Variants in CDH4 observed in about 807,000 individuals in gnomAD.
CDH4 encodes the protein cadherin 4, also known as cadherin-4.
A neutral mutation model predicts 86.0 loss-of-function variants in CDH4; 33 were observed. The observed-to-expected ratio is 0.38, with a 90% CI of 0.29 to 0.51. CDH4 has a LOEUF of 0.51. Among genes scored for constraint, CDH4 ranks in the 20% least tolerant of loss-of-function variants. The probability of loss-of-function intolerance (pLI) is 0.86; values close to 1 mark genes in which losing one functional copy is unlikely to be tolerated. For synonymous variants in CDH4, 555 were observed against 549.4 expected (o/e 1.01, Z -0.14); for missense variants, 1,114 against 1,307.4 (o/e 0.85, Z 2.28).
chr20:61,840,739 C>T lies in CDH4; in HGVS notation c.577-3929C>T, dbSNP rs187656848. Among the ~76,000 whole-genome samples, 15 of 152,336 alleles carry T rather than the reference C, an allele frequency of 9.8e-5. No homozygotes were observed. In the East Asian group the frequency reaches 2.5e-3, roughly 26 times the overall value. On this transcript the variant is annotated intron_variant, in intron 4 of 15. Transcript: ENST00000614565. ...CACAAATCAAGTGGAAAACTGTTCT[C>T]CCCTGATCTGGTGGATTCACTCGCA...
In CDH4 at chr20:61,518,508, ATCCG is replaced by A. The variant is rs1286736907; in HGVS notation, c.170-225051_170-225048del. On this transcript the variant is annotated intron_variant, in intron 2 of 15. Coordinates refer to ENST00000614565, the MANE Select transcript of CDH4 (RefSeq NM_001794.5). The surrounding 1 kb of genome is among the most constrained non-coding windows in gnomAD (Gnocchi z 6.3). ...TCCATCATTGATTCATCATCCATCC[ATCCG>A]TCCATCTATCATCCATCCATCTATC... 2.0e-5 allele frequency among the ~76,000 whole-genome samples: 3 copies of A among 151,184 alleles called. No individual in the cohort carries two copies. Among genetic ancestry groups the A allele is most frequent in the African/African-American group, 7.3e-5 (3 of 41,078 alleles).
intron 4 of CDH4, among the ~76,000 whole-genome samples, chr20:61,838,700 C>G (rs1981988296): frequency 6.6e-6 from 1 of 151,644 alleles, no homozygotes; most frequent in Non-Finnish European, 1.5e-5. Flanking sequence ...TCCCAACTAT[C>G]CTAGTCCCAA....
intron 2 of CDH4, among the ~76,000 whole-genome samples, chr20:61,333,842 G>A (rs144444278): frequency 1.2e-3 from 187 of 152,364 alleles, no homozygotes; most frequent in African/African-American, 4.2e-3. Context: ...TGGTGCCACC[G>A]TTAGCACATG....
chr20:61,385,928 G>T (rs1454456537), intron 2 of CDH4, among the ~76,000 whole-genome samples: 1 of 152,212 alleles, frequency 6.6e-6, no homozygotes, highest in African/African-American at 2.4e-5. Flanking sequence ...CATCATGTGG[G>T]TAAGGATTTA....
chr20:61,496,412 A>G (rs2085663316), intron 2 of CDH4, among the ~76,000 whole-genome samples: 2 of 152,242 alleles, frequency 1.3e-5, no homozygotes, highest in African/African-American at 4.8e-5. Context: ...AAAAAAAAAA[A>G]AAATCTAAAA....
chr20:61,797,095 C>T (rs778522217), intron 4 of CDH4, among the ~76,000 whole-genome samples: 5,249 of 144,192 alleles, frequency 0.036, 124 homozygotes, highest in South Asian at 0.069. Flanking sequence ...CCCCCCCCCC[C>T]CAACACTGGC....
intron 2 of CDH4, among the ~76,000 whole-genome samples, chr20:61,396,200 A>G (rs2085015814): frequency 6.6e-6 from 1 of 152,198 alleles, no homozygotes; most frequent in South Asian, 2.1e-4. Context: ...GGCCTTTTGC[A>G]GAAAAAGTGG....
At chr20:61,631,149 G>GA (rs2086883874) in intron 2 of CDH4, among the ~76,000 whole-genome samples, 1 of 152,198 alleles carries the variant, frequency 6.6e-6, no homozygotes, top group Admixed American at 6.5e-5. Context: ...TGGGACTGGG[G>GA]ATGCACAGGG....
At position 61,585,700 on chromosome 20, in the gene CDH4, A is replaced by G. The variant is rs558095508; in HGVS notation, c.170-157863A>G. On this transcript the variant is annotated intron_variant, in intron 2 of 15. Coordinates refer to ENST00000614565, the MANE Select transcript of CDH4 (RefSeq NM_001794.5). The stretch of plus-strand genomic sequence containing the variant: ...GATGGTGATGGTGATGATTGTGGTC[A>G]TGTGGAGGATGGTGGTGATGATGGT... Among the ~76,000 whole-genome samples the G allele has an allele frequency of 2.8e-3, 77 of 27,742 alleles. 1 individual carries two copies. Among genetic ancestry groups the G allele is most frequent in the South Asian group, 0.012 (12 of 1,034 alleles). 18.2% of individuals were successfully genotyped at this position (27,742 alleles called of 152,430 possible).
chr20:61,931,932 T>G (rs1302864043), intron 13 of CDH4, among the ~76,000 whole-genome samples: 2 of 152,116 alleles, frequency 1.3e-5, no homozygotes, highest in African/African-American at 4.8e-5. Context: ...AAAGAGCCCC[T>G]CTGAGTGACC....
At chr20:61,307,867 G>A (rs751316986) in intron 2 of CDH4, among the ~76,000 whole-genome samples, 77 of 152,316 alleles carry the variant, frequency 5.1e-4, no homozygotes, top group Non-Finnish European at 8.8e-4. Flanking sequence ...AGTCAGTGTG[G>A]CCTGATCTCA....
At chr20:61,273,349 G>GT (rs1448241879) in intron 2 of CDH4, among the ~76,000 whole-genome samples, 2 of 136,004 alleles carry the variant, frequency 1.5e-5, no homozygotes, top group Non-Finnish European at 3.1e-5. Context: ...ACCTTGTGCA[G>GT]TTTGGGGGAG....
At chr20:61,463,750 G>A (rs755055321) in intron 2 of CDH4, among the ~76,000 whole-genome samples, 5 of 152,214 alleles carry the variant, frequency 3.3e-5, no homozygotes, top group Non-Finnish European at 5.9e-5. Context: ...TGCAACAGGG[G>A]AGAGAGACTG....
At chr20:61,649,231 C>G (rs938578104) in intron 2 of CDH4, among the ~76,000 whole-genome samples, 1 of 152,134 alleles carries the variant, frequency 6.6e-6, no homozygotes, top group Admixed American at 6.5e-5. Flanking sequence ...CCCCACAGGG[C>G]CCCCCGAGCA....
At position 61,739,241 on chromosome 20, in the gene CDH4, G is replaced by A. The variant is rs556009279; in HGVS notation, c.170-4322G>A. 3.3e-5 allele frequency among the ~76,000 whole-genome samples: 5 copies of A among 152,336 alleles called. 1 individual carries two copies. The South Asian group carries it at 1.0e-3, about 32-fold the overall frequency. On this transcript the variant is annotated intron_variant, in intron 2 of 15. Coordinates refer to ENST00000614565, the MANE Select transcript of CDH4 (RefSeq NM_001794.5). ...TTTCCCATGGGGAGGGAGTTGCGGG[G>A]GGTCCCGTGAAGATTCTGGGCTGAG...
intron 2 of CDH4, among the ~76,000 whole-genome samples, chr20:61,413,703 C>G (rs1029989576): frequency 6.6e-6 from 1 of 152,190 alleles, no homozygotes; most frequent in Non-Finnish European, 1.5e-5. Context: ...ATGGAGTCCC[C>G]TCCTGCCAGA....
intron 4 of CDH4, among the ~76,000 whole-genome samples, chr20:61,844,395 G>T (rs933915771): frequency 1.3e-5 from 2 of 151,796 alleles, no homozygotes; most frequent in African/African-American, 4.8e-5. Context: ...GTTTTCATCT[G>T]TGCTGTGGAT....
chr20:61,787,898 G>T (rs1054200800), intron 4 of CDH4, among the ~76,000 whole-genome samples: 1 of 152,198 alleles, frequency 6.6e-6, no homozygotes. Context: ...AATAGAAATG[G>T]CCAGGGAGAG....
intron 2 of CDH4, among the ~76,000 whole-genome samples, chr20:61,539,654 G>T (rs1235441934): frequency 1.3e-5 from 2 of 152,220 alleles, no homozygotes. Context: ...TTGAGCTCAA[G>T]CTGTTCAGCA....
Sources: gnomAD v4.1 joint callset for allele counts (sites outside exome capture counted in the v4.1 genomes callset) on GRCh38, gnomAD v4.1.1 for gene constraint, Gnocchi (gnomAD v3.1) non-coding constraint, MANE v1.5 for transcripts, NCBI Gene and HGNC (gene_info 2026-07-23, HGNC 2026-07-21) for gene names.